CNTN5: variants seen among roughly 807,000 people sequenced by gnomAD.
The protein encoded by CNTN5 is contactin 5, also known as contactin-5.
Under a neutral mutation model 129.1 loss-of-function variants are expected in CNTN5, and 77 were observed. The ratio of observed to expected loss-of-function variants is 0.60; its 90% CI spans 0.50 to 0.72. The LOEUF (loss-of-function observed/expected upper bound fraction) is 0.72, where lower values mean the gene tolerates loss of function less well. Among genes scored for constraint, CNTN5 ranks in the 30% least tolerant of loss-of-function variants. The pLI is 0.00. For missense variants in CNTN5, 1,478 were observed against 1,328.8 expected (o/e 1.11, Z -1.75); for synonymous variants, 509 against 465.6 (o/e 1.09, Z -1.20).
At chr11:99,758,049 T>A (rs1405998895) in intron 3 of CNTN5, among the ~76,000 whole-genome samples, 2 of 152,088 alleles carry the variant, frequency 1.3e-5, no homozygotes, top group South Asian at 2.1e-4. Flanking sequence ...TTTGGACAAT[T>A]TAGTGAAAGT....
intron 13 of CNTN5, among the ~76,000 whole-genome samples, chr11:100,127,769 C>T (rs922769990): frequency 6.7e-6 from 1 of 149,952 alleles, no homozygotes; most frequent in Non-Finnish European, 1.5e-5. Flanking sequence ...AGCGATTCTC[C>T]TGCCTCAGCC....
intron 15 of CNTN5, among the ~76,000 whole-genome samples, chr11:100,204,924 T>A (rs900449271): frequency 6.6e-6 from 1 of 152,046 alleles, no homozygotes; most frequent in African/African-American, 2.4e-5. Flanking sequence ...ATGCGTAATA[T>A]AATAAGGCCC....
intron 1 of CNTN5, among the ~76,000 whole-genome samples, chr11:99,241,317 G>GTTTTTTTTTTT (rs1565430527): frequency 1.7e-5 from 1 of 60,132 alleles, no homozygotes; most frequent in African/African-American, 5.5e-5. Context: ...TTTGATTGTT[G>GTTTTTTTTTTT]GTTTTTTTTT....
chr11:99,671,883 C>T (rs566481800), intron 3 of CNTN5, among the ~76,000 whole-genome samples: 4 of 152,176 alleles, frequency 2.6e-5, no homozygotes, highest in South Asian at 2.1e-4. Context: ...TGTGTGCGCA[C>T]GCATACATAA....
chr11:99,295,647 C>A (rs7939739), intron 1 of CNTN5, among the ~76,000 whole-genome samples: 2 of 151,616 alleles, frequency 1.3e-5, no homozygotes, highest in African/African-American at 2.4e-5. Flanking sequence ...GAGGCCGAGG[C>A]GGGTGGATCA....
intron 4 of CNTN5, among the ~76,000 whole-genome samples, chr11:99,834,838 AAGTTT>A (rs1947253125): frequency 6.6e-6 from 1 of 152,180 alleles, no homozygotes; most frequent in Non-Finnish European, 1.5e-5. Context: ...TATAATTTAC[AAGTTT>A]AGTTTAAACA....
At chr11:100,125,964 T>C (rs1033860225) in intron 13 of CNTN5, among the ~76,000 whole-genome samples, 1 of 152,124 alleles carries the variant, frequency 6.6e-6, no homozygotes, top group Non-Finnish European at 1.5e-5. Flanking sequence ...CCTCTTAACA[T>C]TGATTTTTCT....
intron 2 of CNTN5, among the ~76,000 whole-genome samples, chr11:99,397,615 T>C (rs1430034208): frequency 6.6e-6 from 1 of 151,876 alleles, no homozygotes; most frequent in African/African-American, 2.4e-5. Flanking sequence ...TGCTTAAATA[T>C]ATCCACTTTC....
intron 7 of CNTN5, among the ~76,000 whole-genome samples, chr11:99,943,574 T>C (rs1055732886): frequency 1.3e-5 from 2 of 152,162 alleles, no homozygotes; most frequent in Non-Finnish European, 2.9e-5. Context: ...TTCGTTGCCA[T>C]TGCTTTTGAT....
At position 99,694,653 on chromosome 11, in the gene CNTN5, A is replaced by AT. The variant is rs1954187641; in HGVS notation, c.56-124890dup. 2.0e-5 allele frequency among the ~76,000 whole-genome samples: 3 copies of AT among 152,034 alleles called. No individual in the cohort carries two copies. In the South Asian group the frequency reaches 6.2e-4, roughly 31 times the overall value. ...TCATCTACATTAGGTATTTCTCCTA[A>AT]TGCTATCCCTCCCCGAGCCCCCCAC... is the stretch of plus-strand genomic sequence containing the variant. On this transcript the variant is annotated intron_variant, in intron 3 of 24. Coordinates refer to ENST00000524871, the MANE Select transcript of CNTN5 (RefSeq NM_014361.4).
At chr11:99,302,156 A>C (rs1244036946) in intron 1 of CNTN5, among the ~76,000 whole-genome samples, 2 of 151,670 alleles carry the variant, frequency 1.3e-5, no homozygotes, top group Non-Finnish European at 3.0e-5. Flanking sequence ...TAATCTTCCA[A>C]CTTAAAAGAA....
At chr11:99,638,257 C>T (rs562810463) in intron 3 of CNTN5, among the ~76,000 whole-genome samples, 16 of 152,168 alleles carry the variant, frequency 1.1e-4, no homozygotes, top group South Asian at 2.1e-4. Context: ...GAGACTAGCA[C>T]GGGAAAGACC....
intron 3 of CNTN5, among the ~76,000 whole-genome samples, chr11:99,764,276 C>T (rs1330161727): frequency 6.6e-6 from 1 of 151,694 alleles, no homozygotes; most frequent in African/African-American, 2.4e-5. Context: ...TTTGAAAAGA[C>T]TGAGGTGCTC....
chr11:99,189,868 C>G (rs879025891), intron 1 of CNTN5, among the ~76,000 whole-genome samples: 1 of 151,500 alleles, frequency 6.6e-6, no homozygotes. Flanking sequence ...TCCCTTTACT[C>G]TATTGATTGT....
intron 13 of CNTN5, among the ~76,000 whole-genome samples, chr11:100,170,033 T>G (rs1258114976): frequency 6.6e-6 from 1 of 151,928 alleles, no homozygotes; most frequent in Non-Finnish European, 1.5e-5. Context: ...TCCCCCAACT[T>G]TTCTAGATAA....
intron 3 of CNTN5, among the ~76,000 whole-genome samples, chr11:99,620,486 C>G (rs763592343): frequency 1.4e-5 from 2 of 147,078 alleles, no homozygotes; most frequent in African/African-American, 2.5e-5. Context: ...TTAGCAGGAT[C>G]TTAAAACTCT....
At chr11:100,090,839 TTCTC>T (rs947499650) in intron 13 of CNTN5, among the ~76,000 whole-genome samples, 65 of 151,658 alleles carry the variant, frequency 4.3e-4, no homozygotes, top group African/African-American at 1.3e-3. Flanking sequence ...TAAAGTTGTT[TTCTC>T]TCTCTATCTA....
At chr11:100,039,464 G>A (rs189044368) in intron 9 of CNTN5, among the ~76,000 whole-genome samples, 2 of 152,076 alleles carry the variant, frequency 1.3e-5, no homozygotes, top group Non-Finnish European at 2.9e-5. Flanking sequence ...TGCTCTTCTC[G>A]AGGAGTATCT....
In CNTN5 at chr11:100,250,995, T is replaced by C. The variant is rs537847658; in HGVS notation, c.2006-4765T>C. ...ATGAAACAGAATAAATGTAACAACA[T>C]AGAAGAGCTTAATAAATGAGTTTGT... On this transcript the variant is annotated intron_variant, in intron 16 of 24. Coordinates refer to ENST00000524871, the MANE Select transcript of CNTN5 (RefSeq NM_014361.4). Among the ~76,000 whole-genome samples, 9 of 152,240 alleles carry C rather than the reference T, an allele frequency of 5.9e-5. No homozygotes were observed. The South Asian group carries it at 1.0e-3, about 18-fold the overall frequency.
Sources: allele counts gnomAD v4.1 joint callset (sites outside exome capture counted in the v4.1 genomes callset), GRCh38; gene constraint gnomAD v4.1.1; transcripts MANE v1.5; gene names NCBI Gene and HGNC (gene_info 2026-07-23, HGNC 2026-07-21).